The following NAV3 variants were observed in gnomAD, a reference collection of about 807,000 sequenced individuals.
The protein encoded by NAV3 is pore membrane and/or filament interacting like protein 1.
NAV3 carries 87 observed loss-of-function variants against 244.7 expected under a neutral mutation model. The ratio of observed to expected loss-of-function variants is 0.36; its 90% CI spans 0.30 to 0.42. NAV3 has a LOEUF of 0.42. NAV3 is among the 20% of genes least tolerant of loss of function. The probability of loss-of-function intolerance (pLI) is 1.00; values close to 1 mark genes in which losing one functional copy is unlikely to be tolerated. For synonymous variants in NAV3, 1,126 were observed against 1,042.2 expected (o/e 1.08, Z -1.55); for missense variants, 2,663 against 2,893.3 (o/e 0.92, Z 1.83).
intron 2 of NAV3, among the ~76,000 whole-genome samples, chr12:77,608,329 A>G (rs1447999185): frequency 6.6e-6 from 1 of 152,136 alleles, no homozygotes; most frequent in Non-Finnish European, 1.5e-5. Context: ...TGTTGTAAAC[A>G]ATGAAGTCCT....
At chr12:77,975,752 G>T (rs1415782416) in intron 5 of NAV3, among the ~76,000 whole-genome samples, 2 of 152,152 alleles carry the variant, frequency 1.3e-5, no homozygotes, top group Non-Finnish European at 2.9e-5. Flanking sequence ...GAATAAGTAT[G>T]GCCCTGTTGC....
chr12:78,180,330 C>T (rs1565769930), intron 29 of NAV3, among the ~76,000 whole-genome samples: 1 of 151,972 alleles, frequency 6.6e-6, no homozygotes, highest in Non-Finnish European at 1.5e-5. Context: ...TGTATATGTT[C>T]ATCTAAAGAC....
chr12:78,019,096 T>A (rs2136770404), intron 8 of NAV3, among the ~76,000 whole-genome samples: 1 of 152,270 alleles, frequency 6.6e-6, no homozygotes, highest in East Asian at 1.9e-4. Flanking sequence ...CCTTTTGTAA[T>A]AACAGTTGAT....
chr12:77,671,190 G>T (rs1565764405), intron 2 of NAV3, among the ~76,000 whole-genome samples: 1 of 151,662 alleles, frequency 6.6e-6, no homozygotes, highest in African/African-American at 2.4e-5. Flanking sequence ...TTTTACAAGG[G>T]CTGCAAACAA....
intron 30 of NAV3, 101 bp downstream of exon 30, chr12:78,181,146 C>A (rs1288017370): frequency 1.9e-6 from 2 of 1,045,444 alleles, no homozygotes; most frequent in Non-Finnish European, 2.8e-6. Context: ...AAAAATGTTA[C>A]ACTCTAATTC....
chr12:77,867,290 A>T (rs1880193114), intron 1 of NAV3, among the ~76,000 whole-genome samples: 1 of 152,142 alleles, frequency 6.6e-6, no homozygotes, highest in Non-Finnish European at 1.5e-5. Context: ...TCCTGTCACC[A>T]TCTAAGTCGT....
chr12:78,152,609 GT>G (rs1957118863), intron 22 of NAV3, among the ~76,000 whole-genome samples: 1 of 151,836 alleles, frequency 6.6e-6, no homozygotes. Flanking sequence ...TTTTTCCTCA[GT>G]TGTAAGAAGT....
At chr12:78,141,345 A>G (rs1956605042) in intron 20 of NAV3, among the ~76,000 whole-genome samples, 1 of 152,182 alleles carries the variant, frequency 6.6e-6, no homozygotes, top group Non-Finnish European at 1.5e-5. Context: ...GTTATATTTT[A>G]TGAGTGAGTC....
chr12:77,859,758 CAAAAAAAA>C (rs61516625), intron 1 of NAV3, among the ~76,000 whole-genome samples: 10 of 68,730 alleles, frequency 1.5e-4, no homozygotes, highest in East Asian at 5.5e-4. Flanking sequence ...CTTTCAAATG[CAAAAAAAA>C]AAAAAAAAAA....
chr12:77,994,871 G>A lies in NAV3; in HGVS notation c.740G>A (p.Arg247Lys), dbSNP rs759638788. The A allele has an allele frequency of 4.4e-6, 7 of 1,599,530 alleles. No homozygotes were observed. Among genetic ancestry groups the A allele is most frequent in the East Asian group, 4.5e-5 (2 of 44,406 alleles). ...GIATSQKKPT[R>K]LPGPSRVPAA... ...GCAACCAGTCAAAAAAAGCCTACTA[G>A]GTCAGTTAATATTCTCTAATTTATT... Residue 247 changes from arginine to lysine, a missense_variant and splice_region_variant, in exon 6 of 40, where the codon AGG becomes AAG. Arg to Lys is a conservative substitution (Grantham distance 26). Coordinates refer to ENST00000397909, the MANE Select transcript of NAV3 (RefSeq NM_001024383.2).
At chr12:77,615,040 C>T (rs967097260) in intron 2 of NAV3, among the ~76,000 whole-genome samples, 1 of 152,118 alleles carries the variant, frequency 6.6e-6, no homozygotes, top group Admixed American at 6.6e-5. Flanking sequence ...AAGGACATCA[C>T]ATGCAGATGT....
chr12:77,897,166 T>G (rs76971322), intron 1 of NAV3, among the ~76,000 whole-genome samples: 3,894 of 152,292 alleles, frequency 0.026, 127 homozygotes, highest in African/African-American at 0.073. Context: ...GAAATTGATT[T>G]TTCTCCAAAG....
intron 12 of NAV3, 45 bp downstream of exon 12, chr12:78,059,160 T>C (rs61936199): frequency 1.3e-6 from 2 of 1,572,612 alleles, no homozygotes; most frequent in East Asian, 4.7e-5. Flanking sequence ...CATGAAGTAA[T>C]TTTATAAATA....
intron 7 of NAV3, among the ~76,000 whole-genome samples, chr12:78,002,656 G>A (rs1873504270): frequency 6.6e-6 from 1 of 151,964 alleles, no homozygotes; most frequent in Admixed American, 6.6e-5. Context: ...TTCTTTTCAA[G>A]CCAGTGCAAA....
intron 9 of NAV3, 126 bp from the exon 10 acceptor site, chr12:78,049,865 AAT>A: frequency 1.7e-6 from 1 of 585,404 alleles, no homozygotes; most frequent in East Asian, 3.0e-5. Flanking sequence ...TGTAGATAAT[AAT>A]AGTTATTTGA....
At chr12:78,107,234 C>T (rs538457424) in intron 12 of NAV3, among the ~76,000 whole-genome samples, 2 of 152,198 alleles carry the variant, frequency 1.3e-5, no homozygotes, top group Admixed American at 6.5e-5. Context: ...TCAAATCCTT[C>T]CTGACATTTG....
At chr12:77,646,148 A>G (rs1265997950) in intron 2 of NAV3, among the ~76,000 whole-genome samples, 1 of 152,170 alleles carries the variant, frequency 6.6e-6, no homozygotes, top group East Asian at 1.9e-4. Context: ...AATGGGCCAG[A>G]GGGAGCAAAT....
intron 2 of NAV3, among the ~76,000 whole-genome samples, chr12:77,782,090 A>C (rs1408562655): frequency 6.6e-6 from 1 of 152,202 alleles, no homozygotes; most frequent in Non-Finnish European, 1.5e-5. Flanking sequence ...ATTATTAGTA[A>C]TAATTTTCTT....
intron 2 of NAV3, among the ~76,000 whole-genome samples, chr12:77,659,637 A>T (rs373420152): frequency 6.6e-6 from 1 of 152,106 alleles, no homozygotes; most frequent in East Asian, 1.9e-4. Flanking sequence ...TATAAATCAT[A>T]CTGCTATAAA....
Sources: allele counts gnomAD v4.1 joint callset (sites outside exome capture counted in the v4.1 genomes callset), GRCh38; gene constraint gnomAD v4.1.1; transcripts MANE v1.5; gene names NCBI Gene and HGNC (gene_info 2026-07-23, HGNC 2026-07-21).